The following AGMO variants were observed in gnomAD, a reference collection of about 807,000 sequenced individuals.
AGMO encodes glyceryl-ether monooxygenase.
A neutral mutation model predicts 60.2 loss-of-function variants in AGMO; 75 were observed. The ratio of observed to expected loss-of-function variants is 1.25; its 90% CI spans 1.03 to 1.51. The LOEUF (loss-of-function observed/expected upper bound fraction) is 1.51, where lower values mean the gene tolerates loss of function less well. AGMO is among the 40% of genes most tolerant of loss of function. The probability of loss-of-function intolerance (pLI) is 0.00; values close to 1 mark genes in which losing one functional copy is unlikely to be tolerated. For missense variants in AGMO, 763 were observed against 525.5 expected (o/e 1.45, Z -4.42); for synonymous variants, 261 against 177.1 (o/e 1.47, Z -3.76).
chr7:15,524,198 A>C (rs1784067374), intron 3 of AGMO, among the ~76,000 whole-genome samples: 1 of 152,042 alleles, frequency 6.6e-6, no homozygotes, highest in Non-Finnish European at 1.5e-5. Flanking sequence ...AATTTGAGAT[A>C]TCAACATAAG....
At chr7:15,552,292 T>A (rs917916152) in intron 2 of AGMO, among the ~76,000 whole-genome samples, 3 of 152,220 alleles carry the variant, frequency 2.0e-5, no homozygotes, top group South Asian at 2.1e-4. Flanking sequence ...ACCAAAAGCA[T>A]TGGCAACAAA....
At chr7:15,366,404 T>C (rs972888429) in intron 10 of AGMO, among the ~76,000 whole-genome samples, 182 bp from the exon 11 acceptor site, 2 of 152,176 alleles carry the variant, frequency 1.3e-5, no homozygotes, top group African/African-American at 4.8e-5. Flanking sequence ...TTCAGTTCCT[T>C]GTTGGACACT....
chr7:15,274,058 T>C (rs1783704208), intron 12 of AGMO, among the ~76,000 whole-genome samples: 1 of 152,216 alleles, frequency 6.6e-6, no homozygotes, highest in Non-Finnish European at 1.5e-5. Context: ...TACAATCATG[T>C]CATCTGCAAA....
intron 5 of AGMO, among the ~76,000 whole-genome samples, chr7:15,398,772 C>T (rs984885627): frequency 2.6e-5 from 4 of 151,986 alleles, no homozygotes; most frequent in African/African-American, 9.7e-5. Flanking sequence ...ATACAGAGGG[C>T]TTCAATATAA....
intron 3 of AGMO, among the ~76,000 whole-genome samples, chr7:15,445,207 A>G (rs1254340073): frequency 6.6e-6 from 1 of 152,216 alleles, no homozygotes; most frequent in Non-Finnish European, 1.5e-5. Flanking sequence ...GTGAAAAGGC[A>G]AAGGTAACAA....
In AGMO at chr7:15,394,151, A is replaced by G; in HGVS notation, c.638T>C (p.Leu213Pro). ...EVINNLGPLE[L>P]ILNTPSHHRV... ...ATGATGGCTAGGAGTATTAAGAATC[A>G]GTTCCAAAGGACCAAGGTTATTGAT... The change falls in exon 6 of 13, where the codon CTG (leucine) becomes CCG (proline). Residue 213 changes from leucine (L) to proline (P), a missense_variant. Physicochemically the swap from Leu to Pro is moderately conservative, Grantham distance 98. Transcript: ENST00000342526. The G allele has an allele frequency of 6.2e-7, 1 of 1,612,432 alleles. No homozygotes were observed. The highest frequency in any genetic ancestry group is 8.5e-7 in the Non-Finnish European group (1 of 1,178,654).
At chr7:15,539,298 C>G (rs1284654450) in intron 3 of AGMO, among the ~76,000 whole-genome samples, 2 of 152,072 alleles carry the variant, frequency 1.3e-5, no homozygotes, top group Non-Finnish European at 2.9e-5. Flanking sequence ...CTTTCTCCCA[C>G]CCGCCACCCT....
chr7:15,371,364 G>A (rs1783204783), intron 10 of AGMO, among the ~76,000 whole-genome samples: 1 of 151,038 alleles, frequency 6.6e-6, no homozygotes, highest in African/African-American at 2.4e-5. Context: ...GGGACTACAG[G>A]CACATGCTAC....
chr7:15,393,446 T>G (rs770109411), intron 6 of AGMO, among the ~76,000 whole-genome samples: 1 of 152,246 alleles, frequency 6.6e-6, no homozygotes, highest in Non-Finnish European at 1.5e-5. Context: ...CTCCATTACA[T>G]GTATAATATA....
downstream of AGMO, among the ~76,000 whole-genome samples, chr7:15,198,700 G>A (rs919730397): frequency 6.6e-6 from 1 of 152,112 alleles, no homozygotes. Flanking sequence ...TCAGGTCAGA[G>A]ATAAAAATCA....
chr7:15,344,748 CAAGAG>C (rs985863023), intron 12 of AGMO, among the ~76,000 whole-genome samples: 8 of 151,948 alleles, frequency 5.3e-5, no homozygotes, highest in Non-Finnish European at 7.4e-5. Flanking sequence ...TCTTTGCTCT[CAAGAG>C]AAGACTTTTC....
intron 3 of AGMO, among the ~76,000 whole-genome samples, chr7:15,502,159 T>C (rs193250097): frequency 8.5e-5 from 13 of 152,178 alleles, no homozygotes; most frequent in Admixed American, 2.6e-4. Context: ...TGTTCTATGA[T>C]TGACATTCTG....
At chr7:15,493,362 C>CACACACACACACACACACACAT (rs71004386) in intron 3 of AGMO, among the ~76,000 whole-genome samples, 12 of 102,258 alleles carry the variant, frequency 1.2e-4, no homozygotes, top group African/African-American at 4.4e-4. Context: ...CACACACACA[C>CACACACACACACACACACACAT]TTCTTTTTTT....
At chr7:15,482,937 T>C (rs1310297543) in intron 3 of AGMO, among the ~76,000 whole-genome samples, 1 of 152,208 alleles carries the variant, frequency 6.6e-6, no homozygotes, top group Non-Finnish European at 1.5e-5. Flanking sequence ...CATCCATTCA[T>C]GATTTTTTAA....
At chr7:15,352,537 G>A (rs895502976) in intron 12 of AGMO, among the ~76,000 whole-genome samples, 6 of 151,866 alleles carry the variant, frequency 4.0e-5, no homozygotes, top group Admixed American at 2.0e-4. Context: ...GTTCAGGGGA[G>A]GGGGTGGTGC....
intron 12 of AGMO, among the ~76,000 whole-genome samples, chr7:15,354,806 A>G (rs1782457688): frequency 6.6e-6 from 1 of 151,348 alleles, no homozygotes; most frequent in Non-Finnish European, 1.5e-5. Context: ...CTATTCCCTG[A>G]ATTTTTTCTC....
intron 10 of AGMO, among the ~76,000 whole-genome samples, chr7:15,366,570 C>A (rs949972883): frequency 6.6e-6 from 1 of 151,972 alleles, no homozygotes; most frequent in African/African-American, 2.4e-5. Flanking sequence ...ATACTGTATT[C>A]TAATTAGCCA....
intron 3 of AGMO, among the ~76,000 whole-genome samples, chr7:15,446,312 T>C (rs1781696265): frequency 1.3e-5 from 2 of 152,328 alleles, no homozygotes; most frequent in South Asian, 4.1e-4. Context: ...AATTCTCTCT[T>C]TCCCTGTGAT....
At chr7:15,355,908 A>G (rs1782512653) in intron 12 of AGMO, among the ~76,000 whole-genome samples, 1 of 152,222 alleles carries the variant, frequency 6.6e-6, no homozygotes, top group South Asian at 2.1e-4. Flanking sequence ...AAATCAAGAA[A>G]AAGAAAACAA....
Sources: allele counts gnomAD v4.1 joint callset (sites outside exome capture counted in the v4.1 genomes callset), GRCh38; gene constraint gnomAD v4.1.1; transcripts MANE v1.5; gene names NCBI Gene and HGNC (gene_info 2026-07-23, HGNC 2026-07-21).